HS3ST4: variants seen among roughly 807,000 people sequenced by gnomAD.
HS3ST4 encodes the protein heparan sulfate glucosamine 3-O-sulfotransferase 4.
In HS3ST4, 17 loss-of-function variants were observed where a neutral mutation model predicts 29.2. That is an observed-to-expected ratio of 0.58 (90% CI 0.40 to 0.87). The LOEUF is 0.87. Ranked by LOEUF, HS3ST4 falls within the 40% of genes least tolerant of loss-of-function variation. The pLI is 0.00. For synonymous variants in HS3ST4, 314 were observed against 285.7 expected, an observed-to-expected ratio of 1.10 and a Z score of -1.00; for missense variants, 627 against 634.5, an observed-to-expected ratio of 0.99 and a Z score of 0.13.
intron 1 of HS3ST4, among the ~76,000 whole-genome samples, chr16:25,881,682 C>T (rs886284096): frequency 3.3e-5 from 5 of 152,040 alleles, no homozygotes; most frequent in Non-Finnish European, 5.9e-5. Flanking sequence ...ATGAAAGCAC[C>T]ATCCTTCACT....
At chr16:25,748,396 G>A (rs1389269431) in intron 1 of HS3ST4, among the ~76,000 whole-genome samples, 1 of 152,078 alleles carries the variant, frequency 6.6e-6, no homozygotes, top group African/African-American at 2.4e-5. Context: ...AGAACCCCTG[G>A]GAAAGTGTAG....
intron 1 of HS3ST4, among the ~76,000 whole-genome samples, chr16:25,853,924 G>A (rs748332313): frequency 2.0e-5 from 3 of 152,044 alleles, no homozygotes; most frequent in Non-Finnish European, 4.4e-5. Context: ...AGTGTGAGAA[G>A]GATTTATGTT....
chr16:26,118,478 G>A (rs1278898630), intron 1 of HS3ST4, among the ~76,000 whole-genome samples: 1 of 152,192 alleles, frequency 6.6e-6, no homozygotes, highest in Non-Finnish European at 1.5e-5. Flanking sequence ...CTGTGATGAT[G>A]AAAATAGCCT....
chr16:26,042,780 ATT>A (rs1364898590), intron 1 of HS3ST4, among the ~76,000 whole-genome samples: 1 of 151,934 alleles, frequency 6.6e-6, no homozygotes, highest in Non-Finnish European at 1.5e-5. Context: ...TTTACATTCC[ATT>A]TTCACAATTT....
chr16:26,032,503 C>T (rs1969540608), intron 1 of HS3ST4: 3 of 1,295,234 alleles, frequency 2.3e-6, no homozygotes, highest in East Asian at 2.3e-5. Context: ...ACTGTACAGT[C>T]ACCAGAAGTA....
chr16:25,767,763 A>G, intron 1 of HS3ST4, among the ~76,000 whole-genome samples: 1 of 152,138 alleles, frequency 6.6e-6, no homozygotes, highest in East Asian at 1.9e-4. Context: ...CTCAAGAGAT[A>G]TTTCTGAATG....
At chr16:25,816,905 TCCCGAGATAA>T (rs1033070048) in intron 1 of HS3ST4, among the ~76,000 whole-genome samples, 64 of 152,192 alleles carry the variant, frequency 4.2e-4, no homozygotes, top group Admixed American at 7.2e-4. Flanking sequence ...CCAATCCCAC[TCCCGAGATAA>T]CCCATTAATC....
intron 1 of HS3ST4, among the ~76,000 whole-genome samples, chr16:25,967,926 G>A (rs992096836): frequency 2.0e-5 from 3 of 152,188 alleles, no homozygotes; most frequent in Non-Finnish European, 4.4e-5. Flanking sequence ...ATCTGCCTGT[G>A]ACTATGTTAC....
chr16:26,027,334 A>T (rs1462231784), intron 1 of HS3ST4, among the ~76,000 whole-genome samples: 1 of 152,176 alleles, frequency 6.6e-6, no homozygotes, highest in African/African-American at 2.4e-5. Context: ...AGTAGTTGAA[A>T]CATGACCCAG....
At chr16:25,872,938 G>C (rs1967770662) in intron 1 of HS3ST4, among the ~76,000 whole-genome samples, 1 of 151,934 alleles carries the variant, frequency 6.6e-6, no homozygotes, top group Non-Finnish European at 1.5e-5. Flanking sequence ...TCCTGTGGCT[G>C]GGCACTCTTT....
intron 1 of HS3ST4, among the ~76,000 whole-genome samples, chr16:26,058,132 T>C (rs866090791): frequency 3.9e-5 from 6 of 152,204 alleles, no homozygotes; most frequent in Admixed American, 1.3e-4. Flanking sequence ...GCATTATACA[T>C]GTTCTCCAAG....
chr16:25,969,122 A>G (rs906393901), intron 1 of HS3ST4, among the ~76,000 whole-genome samples: 29 of 152,174 alleles, frequency 1.9e-4, no homozygotes, highest in African/African-American at 6.8e-4. Context: ...CCAACCCAAC[A>G]AAGGTTTCAA....
At chr16:25,706,385 T>A (rs1404021342) in intron 1 of HS3ST4, among the ~76,000 whole-genome samples, 1 of 152,148 alleles carries the variant, frequency 6.6e-6, no homozygotes, top group Admixed American at 6.5e-5. Context: ...AAATCTTTTT[T>A]AATATATATA....
intron 1 of HS3ST4, among the ~76,000 whole-genome samples, chr16:25,769,544 C>G (rs1966839403): frequency 6.6e-6 from 1 of 152,168 alleles, no homozygotes; most frequent in Non-Finnish European, 1.5e-5. Context: ...TTAGCCGTCT[C>G]CTTGAGAGAT....
rs1025668255 is a variant in HS3ST4, at chr16:26,136,043, A to G, written c.1166A>G (p.Asn389Ser). The G allele has an allele frequency of 4.3e-6, 7 of 1,613,826 alleles. No homozygotes were observed. The highest frequency in any genetic ancestry group is 1.3e-5 in the African/African-American group (1 of 74,930). Residue 389 changes from asparagine to serine, a missense_variant, in exon 2 of 2, where the codon AAC (asparagine) becomes AGC (serine). By Grantham distance (46) the Asn-to-Ser change is conservative. Coordinates refer to ENST00000331351, the MANE Select transcript of HS3ST4 (RefSeq NM_006040.3). The part of the protein sequence containing the change: ...RVVTEKHFYF[N>S]KTKGFPCLKK... ...GTGACTGAGAAGCATTTCTATTTCA[A>G]CAAAACCAAGGGGTTCCCTTGCCTA...
At chr16:25,882,101 A>C (rs1468736534) in intron 1 of HS3ST4, among the ~76,000 whole-genome samples, 1 of 152,162 alleles carries the variant, frequency 6.6e-6, no homozygotes, top group East Asian at 1.9e-4. Flanking sequence ...GTTGGTTTAA[A>C]TGTGAACAGG....
chr16:25,831,409 A>G (rs925981540), intron 1 of HS3ST4, among the ~76,000 whole-genome samples: 1 of 143,574 alleles, frequency 7.0e-6, no homozygotes, highest in African/African-American at 2.7e-5. Flanking sequence ...ACACACACAC[A>G]CACACACACA....
At chr16:25,941,566 G>A (rs566417244) in intron 1 of HS3ST4, among the ~76,000 whole-genome samples, 12 of 151,600 alleles carry the variant, frequency 7.9e-5, no homozygotes, top group East Asian at 3.9e-4. Context: ...TTTTTGCTTC[G>A]TTTTTGTTTT....
chr16:25,758,554 G>T (rs1966770999), intron 1 of HS3ST4, among the ~76,000 whole-genome samples: 1 of 151,366 alleles, frequency 6.6e-6, no homozygotes, highest in Admixed American at 6.6e-5. Context: ...TTCAGAAATG[G>T]ATAGTTCATT....
Sources: allele counts gnomAD v4.1 joint callset (sites outside exome capture counted in the v4.1 genomes callset), GRCh38; gene constraint gnomAD v4.1.1; transcripts MANE v1.5; gene names NCBI Gene and HGNC (gene_info 2026-07-23, HGNC 2026-07-21).